The following LZTR1 variants were observed in gnomAD, a reference collection of about 807,000 sequenced individuals.
LZTR1 encodes the protein leucine-zipper-like transcriptional regulator 1.
Under a neutral mutation model 105.7 loss-of-function variants are expected in LZTR1, and 260 were observed. That is an observed-to-expected ratio of 2.46 (90% CI 2.22 to 2.72). The LOEUF is 2.72. Ranked by LOEUF, LZTR1 falls within the 30% of genes most tolerant of loss-of-function variation. The pLI, the probability that LZTR1 is intolerant of heterozygous loss-of-function variation, is 0.00. For synonymous variants in LZTR1, 490 were observed against 476.4 expected (o/e 1.03, Z -0.37); for missense variants, 1,214 against 1,166.9 (o/e 1.04, Z -0.59).
intron 1 of LZTR1, 62 bp downstream of exon 1, chr22:20,982,633 G>C: frequency 3.9e-6 from 6 of 1,540,528 alleles, no homozygotes; most frequent in Non-Finnish European, 5.3e-6. Flanking sequence ...TCCCAGGGCG[G>C]GTCCAGGGGC....
Position 20,988,888 on chromosome 22 carries a change from G to C in LZTR1, c.593+16G>C. On this transcript the variant is annotated intron_variant, in intron 6 of 20. Transcript: ENST00000646124. ...GCAACGCCAGGTGGGTGGTGGTCCG[G>C]CCTGTGCACCCCACCTCCGACAGCA... 4 of 1,610,584 alleles carry C rather than the reference G, an allele frequency of 2.5e-6. No homozygotes were observed. Among genetic ancestry groups the C allele is most frequent in the Non-Finnish European group, 3.4e-6 (4 of 1,177,362 alleles).
intron 3 of LZTR1, chr22:20,987,088 C>T (rs1924413725): frequency 6.5e-6 from 1 of 154,862 alleles, no homozygotes; most frequent in South Asian, 2.0e-4. Flanking sequence ...CAGGTATCAC[C>T]TTCAAAATAC....
chr22:20,995,333 A>T (rs1366510352), intron 16 of LZTR1: 2 of 636,588 alleles, frequency 3.1e-6, no homozygotes, highest in Non-Finnish European at 6.0e-6. Flanking sequence ...CACGGTGATC[A>T]GTCTCTGGAC....
At position 20,994,651 on chromosome 22, in the gene LZTR1, T is replaced by A. The variant is rs954974816; in HGVS notation, c.1709T>A (p.Ile570Asn). ...CRLEQLCRQYIEASVDLQNVL... is the reference protein window; with the variant it reads ...CRLEQLCRQYNEASVDLQNVL... ...CTGGAGCAGCTGTGCCGCCAGTACA[T>A]CGAGGCCTCCGTGGACCTGCAGAAC... Residue 570 changes from isoleucine (I) to asparagine (N), a missense_variant, in exon 15 of 21, where the codon ATC (isoleucine) becomes AAC (asparagine). Ile to Asn is a moderately radical substitution (Grantham distance 149). Transcript: ENST00000646124. 2 of 1,612,944 alleles carry A rather than the reference T, an allele frequency of 1.2e-6. No individual in the cohort carries two copies. The highest frequency in any genetic ancestry group is 1.7e-6 in the Non-Finnish European group (2 of 1,179,856).
intron 2 of LZTR1, 97 bp from the exon 3 acceptor site, chr22:20,985,744 G>A: frequency 2.6e-6 from 3 of 1,144,004 alleles, no homozygotes; most frequent in South Asian, 1.3e-5. Context: ...GCCCACAACA[G>A]CCCCCTACTC....
chr22:20,995,907 C>T lies in LZTR1; in HGVS notation c.2069+35C>T, dbSNP rs773574051. 5.0e-6 allele frequency: 8 copies of T among 1,612,980 alleles called. No homozygotes were observed. In the East Asian group the frequency reaches 1.8e-4, roughly 36 times the overall value. ...GGCTGGACAGGAGGGGAGGGTGGGC[C>T]TGGATGGTGTCTTCGTTCTGCTGAC... is the stretch of plus-strand genomic sequence containing the variant. On this transcript the variant is annotated intron_variant, in intron 17 of 20. Coordinates refer to ENST00000646124, the MANE Select transcript of LZTR1 (RefSeq NM_006767.4).
In LZTR1 at chr22:20,982,329, G is replaced by A. The variant is rs770211550; in HGVS notation, c.-43G>A. ...CTCCAGCCGGCCCGGGGCGGTGGCC[G>A]CAAGTTGGGCTTACAGCGCGGCCGA... On this transcript the variant is annotated 5_prime_UTR_variant, in exon 1 of 21. Coordinates refer to ENST00000646124, the MANE Select transcript of LZTR1 (RefSeq NM_006767.4). 3 of 1,468,240 alleles carry A rather than the reference G, an allele frequency of 2.0e-6. No homozygotes were observed. The highest frequency in any genetic ancestry group is 2.5e-5 in the East Asian group (1 of 39,706). The allele number at this position is 1,468,240 out of a possible 1,614,324, so 91.0% of individuals were successfully genotyped here.
chr22:20,987,573 GT>G lies in LZTR1; in HGVS notation c.393del (p.Phe131LeufsTer16). The G allele has an allele frequency of 6.2e-7, 1 of 1,614,146 alleles. No homozygotes were observed. The highest frequency in any genetic ancestry group is 8.5e-7 in the Non-Finnish European group (1 of 1,180,020). On this transcript the variant is annotated frameshift_variant, in exon 4 of 21. Coordinates refer to ENST00000646124, the MANE Select transcript of LZTR1 (RefSeq NM_006767.4). LOFTEE classifies it high-confidence loss of function. ...HSAVVYGSSMFVFGGYTGDIY... is the reference protein window; with the variant it reads ...HSAVVYGSSMXVFGGYTGDIY... ...CGGCCGTCGTCTATGGGAGCAGCAT[GT>G]TTGTCTTTGGTAAGCAGCCTCTTGC...
At chr22:20,985,593 C>T (rs1188258606) in intron 2 of LZTR1, among the ~76,000 whole-genome samples, 1 of 151,914 alleles carries the variant, frequency 6.6e-6, no homozygotes, top group Non-Finnish European at 1.5e-5. Context: ...TGGCCACATT[C>T]ATGCTTTGGT....
At position 20,996,063 on chromosome 22, in the gene LZTR1, C is replaced by T; in HGVS notation, c.2170C>T (p.Leu724=). 1.9e-6 allele frequency: 3 copies of T among 1,613,452 alleles called. No homozygotes were observed. The highest frequency in any genetic ancestry group is 2.5e-6 in the Non-Finnish European group (3 of 1,180,014). Reference sequence around the variant, plus strand: ...CAGCAGGCAGGCCTTCGAGTCCATGCTGCGCTACATCTACTACGGCGAGGT... The same window carrying T: ...CAGCAGGCAGGCCTTCGAGTCCATGTTGCGCTACATCTACTACGGCGAGGT... ...VPSRQAFESM[L]RYIYYGEVNM... The change falls in exon 18 of 21, where the codon CTG becomes TTG. Residue 724 remains leucine (L), a synonymous_variant. Transcript: ENST00000646124.
chr22:20,993,616 C>T, intron 11 of LZTR1, 46 bp from the exon 12 acceptor site: 1 of 1,538,660 alleles, frequency 6.5e-7, no homozygotes, highest in Non-Finnish European at 8.9e-7. Context: ...ACACTGGGGC[C>T]ACCCTGCTGT....
chr22:20,996,291 G>A (rs943693611), intron 18 of LZTR1, 179 bp downstream of exon 18: 16 of 675,346 alleles, frequency 2.4e-5, no homozygotes, highest in Non-Finnish European at 4.0e-5. Context: ...GTTGGCAGCT[G>A]GCAAGGAGGG....
intron 1 of LZTR1, 119 bp from the exon 2 acceptor site, chr22:20,982,908 G>T: frequency 1.3e-6 from 1 of 787,106 alleles, no homozygotes; most frequent in South Asian, 1.5e-5. Flanking sequence ...GAAGATGATG[G>T]ATCTTAGCAG....
rs748007750 is a variant in LZTR1, at chr22:20,995,750, A to C, written c.1947A>C (p.Thr649=). ...CAGGGACCCTCCTACCCCCAGGCAC[A>C]TCTCTGATCCAGGACATGAAGGCAT... ...TPLDQPVDIG[T]SLIQDMKAYL... is the part of the protein sequence containing the mutation. The change falls in exon 17 of 21, where the codon ACA becomes ACC. Residue 649 remains threonine, a synonymous_variant. Transcript: ENST00000646124. 6.2e-7 allele frequency: 1 copy of C among 1,613,554 alleles called. No homozygotes were observed.
chr22:20,996,262 C>G, intron 18 of LZTR1, 150 bp downstream of exon 18: 1 of 847,064 alleles, frequency 1.2e-6, no homozygotes, highest in Non-Finnish European at 1.8e-6. Flanking sequence ...TGGGGCTGGG[C>G]CTGGTGCTCT....
chr22:20,996,480 G>A, intron 18 of LZTR1: 3 of 601,558 alleles, frequency 5.0e-6, no homozygotes, highest in Non-Finnish European at 8.9e-6. Context: ...CCATGGAACA[G>A]CGCTACAGAT....
At position 20,998,990 on chromosome 22, in the gene LZTR1, T is replaced by C. The variant is rs1012108099; in HGVS notation, c.*1642T>C. ...GTCACTGAACCCTGATCTAGACTTA[T>C]ATGAATAAATGAAATTACATGCCAA... On this transcript the variant is annotated 3_prime_UTR_variant, in exon 21 of 21. Coordinates refer to ENST00000646124, the MANE Select transcript of LZTR1 (RefSeq NM_006767.4). The C allele has an allele frequency of 6.6e-6, 1 of 152,254 alleles. No individual in the cohort carries two copies. Among genetic ancestry groups the C allele is most frequent in the Non-Finnish European group, 1.5e-5 (1 of 68,052 alleles). The allele number at this position is 152,254 out of a possible 1,614,324, so 9.4% of individuals were successfully genotyped here.
intron 11 of LZTR1, 93 bp from the exon 12 acceptor site, chr22:20,993,569 G>A (rs1924679802): frequency 2.9e-6 from 3 of 1,042,250 alleles, no homozygotes; most frequent in Non-Finnish European, 2.9e-6. Flanking sequence ...GGGTCAGCAT[G>A]GGCCAGGTGG....
chr22:20,992,585 AG>A (rs1924645052), intron 10 of LZTR1: 2 of 647,108 alleles, frequency 3.1e-6, no homozygotes, highest in Non-Finnish European at 5.3e-6. Flanking sequence ...GACCACTCTG[AG>A]GGTCTCCATG....
Sources: gnomAD v4.1 joint callset for allele counts (sites outside exome capture counted in the v4.1 genomes callset) on GRCh38, gnomAD v4.1.1 for gene constraint, MANE v1.5 for transcripts, NCBI Gene and HGNC (gene_info 2026-07-23, HGNC 2026-07-21) for gene names.